Variants in PHC2 observed in about 807,000 individuals in gnomAD.
PHC2 encodes polyhomeotic homolog 2.
Under a neutral mutation model 87.4 loss-of-function variants are expected in PHC2, and 29 were observed. The observed-to-expected ratio is 0.33, with a 90% CI of 0.25 to 0.45. The LOEUF (loss-of-function observed/expected upper bound fraction) is 0.45. PHC2 is among the 20% of genes least tolerant of loss of function. The pLI, the probability that PHC2 is intolerant of heterozygous loss-of-function variation, is 1.00. For missense variants in PHC2, 857 were observed against 1,136.7 expected (o/e 0.75, Z 3.54); for synonymous variants, 438 against 461.7 (o/e 0.95, Z 0.66).
intron 7 of PHC2, among the ~76,000 whole-genome samples, chr1:33,356,249 TTA>T (rs60725677): frequency 0.067 from 6,815 of 101,292 alleles, 366 homozygotes; most frequent in Middle Eastern, 0.11. Flanking sequence ...GTGAAAATTC[TTA>T]TATATATATA....
intron 3 of PHC2, among the ~76,000 whole-genome samples, chr1:33,371,808 T>C (rs1486492230): frequency 2.0e-5 from 3 of 152,242 alleles, no homozygotes; most frequent in African/African-American, 2.4e-5. Context: ...CTGTCTCCTA[T>C]TGTAAGTGCC....
At chr1:33,372,082 C>T (rs998938388) in intron 3 of PHC2, among the ~76,000 whole-genome samples, 1 of 152,220 alleles carries the variant, frequency 6.6e-6, no homozygotes, top group Non-Finnish European at 1.5e-5. Context: ...AGCATTCCGC[C>T]GCTATAGTCA....
chr1:33,357,634 C>T (rs1027994563), intron 7 of PHC2, among the ~76,000 whole-genome samples: 3 of 152,192 alleles, frequency 2.0e-5, no homozygotes, highest in African/African-American at 7.2e-5. Flanking sequence ...TGCCAGCAGA[C>T]ATTTGGTGAT....
intron 1 of PHC2, among the ~76,000 whole-genome samples, chr1:33,405,850 G>A (rs1649740914): frequency 6.6e-6 from 1 of 152,188 alleles, no homozygotes; most frequent in African/African-American, 2.4e-5. Flanking sequence ...TGGTCAGAGA[G>A]CATAATTATG....
chr1:33,393,044 C>A (rs1649136780), intron 1 of PHC2, among the ~76,000 whole-genome samples: 1 of 152,136 alleles, frequency 6.6e-6, no homozygotes, highest in African/African-American at 2.4e-5. Context: ...CTTCCCTTGT[C>A]CCCTCTATCC....
intron 7 of PHC2, among the ~76,000 whole-genome samples, chr1:33,365,807 C>T (rs540584207): frequency 2.0e-5 from 3 of 152,318 alleles, no homozygotes; most frequent in East Asian, 3.9e-4. Context: ...ATTTTGACCC[C>T]GTTTCCTCCT....
At chr1:33,333,223 C>T (rs4653050) in intron 10 of PHC2, 47,009 of 152,134 alleles carry the variant, frequency 0.31, 7,969 homozygotes, top group African/African-American at 0.46. Flanking sequence ...AGACAAGAAG[C>T]TATGTGTCTT....
At chr1:33,417,088 T>C (rs930174367) in intron 1 of PHC2, among the ~76,000 whole-genome samples, 18 of 151,982 alleles carry the variant, frequency 1.2e-4, no homozygotes, top group African/African-American at 4.3e-4. Flanking sequence ...TAAAGACATA[T>C]GTTATAAACA....
chr1:33,346,092 A>G, intron 9 of PHC2: 1 of 985,334 alleles, frequency 1.0e-6, no homozygotes, highest in African/African-American at 1.7e-5. Flanking sequence ...GGGGTAGTTC[A>G]GTTTTGGGTT....
chr1:33,377,947 T>A (rs889228713), intron 1 of PHC2, among the ~76,000 whole-genome samples: 1 of 152,152 alleles, frequency 6.6e-6, no homozygotes, highest in Non-Finnish European at 1.5e-5. Flanking sequence ...TTGCTTATGA[T>A]TTCCAAGGCA....
At position 33,413,568 on chromosome 1, in the gene PHC2, A is replaced by G. The variant is rs564702860; in HGVS notation, c.-55+17408T>C. Among the ~76,000 whole-genome samples, 10 of 152,354 alleles carry G rather than the reference A, an allele frequency of 6.6e-5. No homozygotes were observed. In the East Asian group the frequency reaches 1.7e-3, roughly 26 times the overall value. On this transcript the variant is annotated intron_variant, in intron 1 of 14. Transcript: ENST00000683057. ...CACAGAAAAATCATTCAATGGCAAC[A>G]ATCTCAAAAGTGAAGCTCTTTATGA...
At chr1:33,398,507 T>C in intron 1 of PHC2, among the ~76,000 whole-genome samples, 1 of 152,240 alleles carries the variant, frequency 6.6e-6, no homozygotes, top group East Asian at 1.9e-4. Flanking sequence ...GTGTTACTGC[T>C]GATTTTTATT....
At position 33,354,388 on chromosome 1, in the gene PHC2, C is replaced by T; in HGVS notation, c.1558+13G>A. ...CTTCCTCCCCTCCCCCAGGGCCCCA[C>T]TGTGCTTCATACCGTGAGCTGGGGA... is the stretch of plus-strand genomic sequence containing the variant. On this transcript the variant is annotated intron_variant, in intron 9 of 14. Transcript: ENST00000683057. 1.2e-6 allele frequency: 2 copies of T among 1,606,088 alleles called. No individual in the cohort carries two copies. Among genetic ancestry groups the T allele is most frequent in the Non-Finnish European group, 8.5e-7 (1 of 1,175,610 alleles).
chr1:33,347,763 A>C, intron 9 of PHC2: 1 of 983,496 alleles, frequency 1.0e-6, no homozygotes, highest in Non-Finnish European at 1.2e-6. Flanking sequence ...AGCAGAGCTC[A>C]TGTGATGAAG....
intron 10 of PHC2, among the ~76,000 whole-genome samples, chr1:33,333,063 CCA>C (rs1646539338): frequency 6.6e-6 from 1 of 152,144 alleles, no homozygotes; most frequent in Non-Finnish European, 1.5e-5. Flanking sequence ...CAATCTGCCT[CCA>C]CCCCATGAGA....
At chr1:33,355,279 G>T in intron 7 of PHC2, 26 bp from the exon 8 acceptor site, 1 of 1,528,266 alleles carries the variant, frequency 6.5e-7, no homozygotes, top group South Asian at 1.3e-5. Context: ...CCAGGTTAGA[G>T]AGCATGGCTT....
At chr1:33,351,469 T>C (rs962472449) in intron 9 of PHC2, among the ~76,000 whole-genome samples, 1 of 152,240 alleles carries the variant, frequency 6.6e-6, no homozygotes, top group African/African-American at 2.4e-5. Flanking sequence ...TCCTGTTTTG[T>C]AGCTTTTAAA....
In PHC2 at chr1:33,332,342, A is replaced by G. The variant is rs749142499; in HGVS notation, c.1824T>C (p.Pro608=). 1 of 1,614,082 alleles carries G rather than the reference A, an allele frequency of 6.2e-7. No individual in the cohort carries two copies. The highest frequency in any genetic ancestry group is 8.5e-7 in the Non-Finnish European group (1 of 1,179,948). Residue 608 remains proline (P), a synonymous_variant, in exon 11 of 15, where the codon CCT becomes CCC. Transcript: ENST00000683057. The surrounding 1 kb of genome is among the most constrained non-coding windows in gnomAD (Gnocchi z 4.2). ...TGTGATCCTGCTGTGGAAGTTTCTC[A>G]GGCAGGAACCCCTGTGCATACTTCT... The part of the protein sequence containing the change: ...LKKKYAQGFL[P]EKLPQQDHTT...
intron 1 of PHC2, among the ~76,000 whole-genome samples, chr1:33,424,104 A>C (rs1029637203): frequency 3.0e-4 from 46 of 151,782 alleles, no homozygotes; most frequent in African/African-American, 9.2e-4. Context: ...TCTCAAAAAA[A>C]AAAAAAACAA....
Sources: gnomAD v4.1 joint callset for allele counts (sites outside exome capture counted in the v4.1 genomes callset) on GRCh38, gnomAD v4.1.1 for gene constraint, Gnocchi (gnomAD v3.1) non-coding constraint, MANE v1.5 for transcripts, NCBI Gene and HGNC (gene_info 2026-07-23, HGNC 2026-07-21) for gene names.